The following KANK2 variants were observed in gnomAD, a reference collection of about 807,000 sequenced individuals.
KANK2 encodes KN motif and ankyrin repeat domains 2, also known as KN motif and ankyrin repeat domain-containing protein 2.
Under a neutral mutation model 74.6 loss-of-function variants are expected in KANK2, and 41 were observed. That is an observed-to-expected ratio of 0.55 (90% CI 0.43 to 0.71). The LOEUF (loss-of-function observed/expected upper bound fraction) is 0.71. Ranked by LOEUF, KANK2 falls within the 30% of genes least tolerant of loss-of-function variation. KANK2 has a pLI of 0.00. For synonymous variants in KANK2, 537 were observed against 519.0 expected, an observed-to-expected ratio of 1.03 and a Z score of -0.47; for missense variants, 1,148 against 1,196.4, an observed-to-expected ratio of 0.96 and a Z score of 0.60.
chr19:11,193,456 C>G lies in KANK2; in HGVS notation c.624G>C (p.Leu208=). 6.2e-7 allele frequency: 1 copy of G among 1,612,196 alleles called. No individual in the cohort carries two copies. The highest frequency in any genetic ancestry group is 8.5e-7 in the Non-Finnish European group (1 of 1,179,954). Residue 208 remains leucine (L), a synonymous_variant, in exon 4 of 13, where the codon CTG becomes CTC. Transcript: ENST00000586659. This position sits in a 1 kb window ranked among gnomAD's most constrained non-coding sequence, Gnocchi z 9.6. ...AGAGCTTCACCTGGAGCACAGGGAT[C>G]AGCTTCACCTGCTCCTCCAGCTGCC... ...KLRQLEEQVK[L]IPVLQVKLSV...
intron 4 of KANK2, among the ~76,000 whole-genome samples, chr19:11,186,635 G>A (rs2078684517): frequency 6.6e-6 from 1 of 152,130 alleles, no homozygotes; most frequent in African/African-American, 2.4e-5. Flanking sequence ...GGAGGTGGAG[G>A]TTGCGGTGAG....
Position 11,173,105 on chromosome 19 carries a change from T to C in KANK2, c.2087A>G (p.Lys696Arg). 6.2e-7 allele frequency: 1 copy of C among 1,613,688 alleles called. No individual in the cohort carries two copies. Among genetic ancestry groups the C allele is most frequent in the Non-Finnish European group, 8.5e-7 (1 of 1,179,810 alleles). ...AGGGCTGTAGCCAGCACGGTTCTGT[T>C]TGTCCACCTTGCAGACACCTAAGAG... ...LLDSGVCKVD[K>R]QNRAGYSPIM... The change falls in exon 10 of 13, where the codon AAA becomes AGA. Residue 696 changes from lysine to arginine, a missense_variant. Coordinates refer to ENST00000586659, the MANE Select transcript of KANK2 (RefSeq NM_001136191.3).
Position 11,193,754 on chromosome 19 carries a change from G to A in KANK2, c.326C>T (p.Pro109Leu), listed in dbSNP as rs774923214. ...AYSYCGRGFY[P>L]QYGALETRGG... is the part of the protein sequence containing the mutation. ...GCGGGTCTCCAGAGCACCATACTGA[G>A]GGTAGAAGCCACGGCCGCAGTAGGA... Residue 109 changes from proline to leucine, a missense_variant, in exon 4 of 13, where the codon CCT (proline) becomes CTT (leucine). By Grantham distance (98) the Pro-to-Leu change is moderately conservative. Transcript: ENST00000586659. The surrounding 1 kb of genome is among the most constrained non-coding windows in gnomAD (Gnocchi z 9.6). The A allele has an allele frequency of 6.2e-7, 1 of 1,612,602 alleles. No individual in the cohort carries two copies. The highest frequency in any genetic ancestry group is 2.2e-5 in the East Asian group (1 of 44,882).
chr19:11,176,835 G>A lies in KANK2; in HGVS notation c.1521-18C>T, dbSNP rs1247128518. On this transcript the variant is annotated intron_variant, in intron 6 of 12. Transcript: ENST00000586659. The stretch of plus-strand genomic sequence containing the variant: ...ACTCATACCTGGGGAGGAACGAGCG[G>A]GGAGGGGGAGATGCTGCAGGTGGGA... The A allele has an allele frequency of 6.7e-7, 1 of 1,495,572 alleles. No homozygotes were observed. Among genetic ancestry groups the A allele is most frequent in the African/African-American group, 1.4e-5 (1 of 71,340 alleles). The allele number at this position is 1,495,572 out of a possible 1,614,324, so 92.6% of individuals were successfully genotyped here. A position where few individuals can be genotyped will look rare whatever the true frequency, so the allele number is the denominator to read the frequency against.
chr19:11,169,248 G>T (rs2078105391), intron 12 of KANK2, among the ~76,000 whole-genome samples: 1 of 152,122 alleles, frequency 6.6e-6, no homozygotes, highest in South Asian at 2.1e-4. Flanking sequence ...TGAGGCAGGA[G>T]AATTGCTCGA....
At chr19:11,191,758 G>C (rs1413985796) in intron 4 of KANK2, among the ~76,000 whole-genome samples, 1 of 152,178 alleles carries the variant, frequency 6.6e-6, no homozygotes, top group Admixed American at 6.5e-5. Flanking sequence ...TTAGATTCCT[G>C]ATGATATCTG....
In KANK2 at chr19:11,174,416, G is replaced by A. The variant is rs1483138371; in HGVS notation, c.2068+57C>T. On this transcript the variant is annotated intron_variant, in intron 9 of 12. Coordinates refer to ENST00000586659, the MANE Select transcript of KANK2 (RefSeq NM_001136191.3). Reference sequence around the variant, plus strand: ...AGGGCAGTGTCTTCCCTATCAGACTGGGCATGGCGGACAGCTGGCTGGTTT... The same window carrying A: ...AGGGCAGTGTCTTCCCTATCAGACTAGGCATGGCGGACAGCTGGCTGGTTT... 5.8e-6 allele frequency: 8 copies of A among 1,382,132 alleles called. No homozygotes were observed. In the East Asian group the frequency reaches 1.5e-4, roughly 26 times the overall value. 85.6% of individuals were successfully genotyped at this position (1,382,132 alleles called of 1,614,324 possible).
At chr19:11,191,615 C>T (rs994884214) in intron 4 of KANK2, among the ~76,000 whole-genome samples, 1 of 152,246 alleles carries the variant, frequency 6.6e-6, no homozygotes, top group African/African-American at 2.4e-5. Flanking sequence ...GGGATTTTTA[C>T]TGGTGCTCTT....
chr19:11,178,746 G>A (rs755190427), intron 4 of KANK2, 26 bp from the exon 5 acceptor site: 5 of 1,492,878 alleles, frequency 3.3e-6, no homozygotes, highest in South Asian at 1.4e-5. Context: ...ATGAGTGTCT[G>A]CTCTTGGTCA....
chr19:11,179,785 C>T (rs2078459538), intron 4 of KANK2, among the ~76,000 whole-genome samples: 1 of 152,208 alleles, frequency 6.6e-6, no homozygotes, highest in Non-Finnish European at 1.5e-5. Flanking sequence ...TGCCAGCCAA[C>T]AGCGTGGAAT....
chr19:11,179,890 C>T (rs2078462530), intron 4 of KANK2, among the ~76,000 whole-genome samples: 1 of 152,176 alleles, frequency 6.6e-6, no homozygotes, highest in Non-Finnish European at 1.5e-5. Flanking sequence ...GACAGGGTTT[C>T]ACTCCCTTCA....
intron 4 of KANK2, among the ~76,000 whole-genome samples, chr19:11,181,367 C>T (rs1002010112): frequency 1.3e-5 from 2 of 151,710 alleles, no homozygotes; most frequent in Non-Finnish European, 2.9e-5. Context: ...CTGCCTCAGC[C>T]TCCTGAATAG....
chr19:11,174,740 C>G, intron 8 of KANK2, 48 bp from the exon 9 acceptor site: 5 of 1,432,964 alleles, frequency 3.5e-6, no homozygotes, highest in Non-Finnish European at 4.8e-6. Context: ...GGGAGGCCCA[C>G]TGGGACACCC....
At position 11,181,113 on chromosome 19, in the gene KANK2, A is replaced by AAAAAG. The variant is rs1347678650; in HGVS notation, c.1250-2394_1250-2393insCTTTT. 2.3e-3 allele frequency among the ~76,000 whole-genome samples: 230 copies of AAAAAG among 98,334 alleles called. 36 individuals are homozygous for AAAAAG. The highest frequency in any genetic ancestry group is 6.2e-3 in the African/African-American group (148 of 23,810). 64.5% of individuals were successfully genotyped at this position (98,334 alleles called of 152,430 possible). On this transcript the variant is annotated intron_variant, in intron 4 of 12. Coordinates refer to ENST00000586659, the MANE Select transcript of KANK2 (RefSeq NM_001136191.3). ...CAAAAAAAAAAAAAAAAAAAAAAAA[A>AAAAAG]AAATTCTGGGAGAGCCAAAAAATGA...
chr19:11,182,526 T>TAAAAA lies in KANK2; in HGVS notation c.1250-3811_1250-3807dup, dbSNP rs35598796. Among the ~76,000 whole-genome samples the TAAAAA allele has an allele frequency of 9.0e-3, 899 of 100,232 alleles. 6 individuals are homozygous for TAAAAA. The highest frequency in any genetic ancestry group is 0.03 in the African/African-American group (832 of 27,934). 65.8% of individuals were successfully genotyped at this position (100,232 alleles called of 152,430 possible). On this transcript the variant is annotated intron_variant, in intron 4 of 12. Transcript: ENST00000586659. ...GGGTGACGGAGTGAGACCCTATCTT[T>TAAAAA]AAAAAAAAAAACAAAAAAACAAAAC... is the stretch of plus-strand genomic sequence containing the variant.
intron 4 of KANK2, among the ~76,000 whole-genome samples, chr19:11,180,267 G>T (rs1341157693): frequency 6.6e-6 from 1 of 152,098 alleles, no homozygotes; most frequent in Non-Finnish European, 1.5e-5. Flanking sequence ...GGTTGTTGGG[G>T]TTTTTTTCTT....
In KANK2 at chr19:11,178,435, G is replaced by A; in HGVS notation, c.1430C>T (p.Ala477Val). The stretch of plus-strand genomic sequence containing the variant: ...CCGTTTCATGATAGATCGCACGCCT[G>A]CCGGGGGCCCGCCTGGAGGGGAGGA... ...EEAGGTGGPP[A>V]GVRSIMKRKE... is the part of the protein sequence containing the mutation. The change falls in exon 6 of 13, where the codon GCA (alanine) becomes GTA (valine). Residue 477 changes from alanine to valine, a missense_variant. Transcript: ENST00000586659. The A allele has an allele frequency of 6.3e-7, 1 of 1,597,062 alleles. No homozygotes were observed. The highest frequency in any genetic ancestry group is 2.3e-5 in the East Asian group (1 of 43,442).
rs2078021062 is a variant in KANK2, at chr19:11,166,316, G to T, written c.*242C>A. The T allele has an allele frequency of 8.8e-6, 4 of 456,960 alleles. No homozygotes were observed. The highest frequency in any genetic ancestry group is 1.6e-5 in the Non-Finnish European group (4 of 256,812). 28.3% of individuals were successfully genotyped at this position (456,960 alleles called of 1,614,324 possible). On this transcript the variant is annotated 3_prime_UTR_variant, in exon 13 of 13. Transcript: ENST00000586659. The stretch of plus-strand genomic sequence containing the variant: ...TCAGCCCTGGCGCCAATGTATACAA[G>T]AATTTTGCTTCGGTCTGCGCTGTGG...
At chr19:11,194,273 G>A (rs922462357) in intron 3 of KANK2, among the ~76,000 whole-genome samples, 4 of 151,946 alleles carry the variant, frequency 2.6e-5, no homozygotes, top group Admixed American at 1.3e-4. Context: ...TCTATCCCTC[G>A]GCTTAGACTA....
Sources: gnomAD v4.1 joint callset for allele counts (sites outside exome capture counted in the v4.1 genomes callset) on GRCh38, gnomAD v4.1.1 for gene constraint, Gnocchi (gnomAD v3.1) non-coding constraint, MANE v1.5 for transcripts, NCBI Gene and HGNC (gene_info 2026-07-23, HGNC 2026-07-21) for gene names.